Variants in ZFAND3 observed in about 807,000 individuals in gnomAD.
The protein encoded by ZFAND3 is AN1-type zinc finger protein 3.
Under a neutral mutation model 29.6 loss-of-function variants are expected in ZFAND3, and 10 were observed. The ratio of observed to expected loss-of-function variants is 0.34; its 90% CI spans 0.21 to 0.57. The LOEUF (loss-of-function observed/expected upper bound fraction) is 0.57. Ranked by LOEUF, ZFAND3 falls within the 20% of genes least tolerant of loss-of-function variation. The pLI is 0.86. For synonymous variants in ZFAND3, 128 were observed against 112.6 expected (o/e 1.14, Z -0.87); for missense variants, 230 against 304.5 (o/e 0.76, Z 1.82).
intron 3 of ZFAND3, among the ~76,000 whole-genome samples, chr6:38,065,131 A>G (rs1764317130): frequency 6.6e-6 from 1 of 152,166 alleles, no homozygotes. Context: ...ATCCTGGCCA[A>G]CCTGGTGAAA....
At chr6:37,914,684 G>GTTTTTTTTTTT (rs1761205557) in intron 1 of ZFAND3, among the ~76,000 whole-genome samples, 1 of 26,844 alleles carries the variant, frequency 3.7e-5, no homozygotes, top group African/African-American at 2.3e-4. Flanking sequence ...TTTTTTTTTA[G>GTTTTTTTTTTT]TGGAGACGGG....
chr6:38,153,265 A>G lies in ZFAND3; in HGVS notation c.*876A>G. 1.0e-6 allele frequency: 1 copy of G among 985,462 alleles called. No individual in the cohort carries two copies. Among genetic ancestry groups the G allele is most frequent in the Non-Finnish European group, 1.2e-6 (1 of 829,966 alleles). The allele number at this position is 985,462 out of a possible 1,614,324, so 61.0% of individuals were successfully genotyped here. A position where few individuals can be genotyped will look rare whatever the true frequency, so the allele number is the denominator to read the frequency against. On this transcript the variant is annotated 3_prime_UTR_variant, in exon 6 of 6. Transcript: ENST00000287218. ...TCTGCAGCCAGATTTCTATATTGGG[A>G]GTTTTTTAAAAAGACATTTCATAGC...
chr6:38,112,059 G>A lies in ZFAND3; in HGVS notation c.362-4513G>A, dbSNP rs181750220. On this transcript the variant is annotated intron_variant, in intron 4 of 5. Transcript: ENST00000287218. Reference sequence around the variant, plus strand: ...ACTTTCAAACCAAGAAAGCTAAATAGGCAAAATCCTTCTTCTTAAGATTTT... The same window carrying A: ...ACTTTCAAACCAAGAAAGCTAAATAAGCAAAATCCTTCTTCTTAAGATTTT... 1.4e-3 allele frequency among the ~76,000 whole-genome samples: 215 copies of A among 152,198 alleles called. 1 individual carries two copies. The highest frequency in any genetic ancestry group is 5.0e-3 in the African/African-American group (209 of 41,530).
At chr6:37,865,237 C>T (rs556866320) in intron 1 of ZFAND3, among the ~76,000 whole-genome samples, 14 of 152,260 alleles carry the variant, frequency 9.2e-5, no homozygotes, top group South Asian at 2.1e-4. Context: ...TCATCCTGTA[C>T]GCTTTAAATC....
intron 1 of ZFAND3, among the ~76,000 whole-genome samples, chr6:37,899,317 G>A (rs931559695): frequency 6.6e-6 from 1 of 152,188 alleles, no homozygotes; most frequent in African/African-American, 2.4e-5. Flanking sequence ...CTACTATAAT[G>A]TTGAGTAGTT....
At chr6:38,049,733 C>A (rs1763981121) in intron 2 of ZFAND3, among the ~76,000 whole-genome samples, 1 of 152,022 alleles carries the variant, frequency 6.6e-6, no homozygotes. Context: ...CTCTGAACAT[C>A]CCCCTGATAT....
chr6:37,901,047 A>T (rs1234934911), intron 1 of ZFAND3, among the ~76,000 whole-genome samples: 2 of 152,064 alleles, frequency 1.3e-5, no homozygotes, highest in Non-Finnish European at 2.9e-5. Context: ...AACATGCAGT[A>T]TGTTTATTGG....
chr6:38,019,984 T>C (rs1249376716), intron 2 of ZFAND3, among the ~76,000 whole-genome samples: 1 of 152,152 alleles, frequency 6.6e-6, no homozygotes, highest in Non-Finnish European at 1.5e-5. Flanking sequence ...TCTTCCAAAG[T>C]GCTGGGATTA....
chr6:37,881,917 C>G (rs770008611), intron 1 of ZFAND3, among the ~76,000 whole-genome samples: 6 of 152,046 alleles, frequency 3.9e-5, no homozygotes, highest in Admixed American at 6.5e-5. Flanking sequence ...CAAAAACATT[C>G]CTGTATAATC....
intron 1 of ZFAND3, among the ~76,000 whole-genome samples, chr6:37,908,542 T>TAAAAAAAAAAAAAAAAA (rs70981504): frequency 5.6e-5 from 7 of 124,118 alleles, no homozygotes; most frequent in East Asian, 2.6e-4. Flanking sequence ...AAAAAAAAAT[T>TAAAAAAAAAAAAAAAAA]AAAAAAAAAA....
At chr6:37,838,279 T>A (rs887978363) in intron 1 of ZFAND3, among the ~76,000 whole-genome samples, 8 of 151,586 alleles carry the variant, frequency 5.3e-5, no homozygotes, top group African/African-American at 1.9e-4. Flanking sequence ...GTTCCTCAAA[T>A]TTTTTTTTGC....
chr6:37,832,042 C>T (rs544935710), intron 1 of ZFAND3, among the ~76,000 whole-genome samples: 10 of 152,142 alleles, frequency 6.6e-5, no homozygotes, highest in African/African-American at 2.4e-4. Flanking sequence ...GACCATGGAT[C>T]CCTTTGGCAA....
intron 5 of ZFAND3, among the ~76,000 whole-genome samples, chr6:38,118,600 T>G (rs1391750833): frequency 6.6e-6 from 1 of 150,634 alleles, no homozygotes. Flanking sequence ...GTATGCTGTC[T>G]TGTCCCCGGC....
intron 5 of ZFAND3, among the ~76,000 whole-genome samples, chr6:38,144,235 T>G (rs544520389): frequency 7.5e-6 from 1 of 132,970 alleles, no homozygotes; most frequent in South Asian, 2.4e-4. Context: ...ATATATATTT[T>G]TTTTTTAATA....
intron 2 of ZFAND3, among the ~76,000 whole-genome samples, chr6:38,047,103 G>A (rs1581869508): frequency 6.6e-6 from 1 of 152,140 alleles, no homozygotes; most frequent in Non-Finnish European, 1.5e-5. Flanking sequence ...GATCACTTGA[G>A]GTCAGGAGTT....
rs1289175264 is a variant in ZFAND3, at chr6:37,819,828, C to T, written c.-118C>T. 3 of 610,642 alleles carry T rather than the reference C, an allele frequency of 4.9e-6. No individual in the cohort carries two copies. Among genetic ancestry groups the T allele is most frequent in the Non-Finnish European group, 6.5e-6 (3 of 463,574 alleles). The allele number at this position is 610,642 out of a possible 1,614,324, so 37.8% of individuals were successfully genotyped here. ...CTCGCGCCCGCCCGCGCGCCCGCTC[C>T]TTCCCCCTCCCCCCGCCCCGAGCCC... On this transcript the variant is annotated 5_prime_UTR_variant, in exon 1 of 6. Coordinates refer to ENST00000287218, the MANE Select transcript of ZFAND3 (RefSeq NM_021943.3).
chr6:38,005,919 G>T (rs1046002648), intron 2 of ZFAND3, among the ~76,000 whole-genome samples: 1 of 152,096 alleles, frequency 6.6e-6, no homozygotes, highest in Non-Finnish European at 1.5e-5. Flanking sequence ...CAATAATTCT[G>T]GTCCTTCTCT....
At chr6:37,873,419 T>TTTGC (rs771911583) in intron 1 of ZFAND3, among the ~76,000 whole-genome samples, 75 of 152,364 alleles carry the variant, frequency 4.9e-4, no homozygotes, top group Admixed American at 1.8e-3. Context: ...TAATCACTTG[T>TTTGC]TTGCTTGCTT....
intron 2 of ZFAND3, among the ~76,000 whole-genome samples, chr6:38,028,918 G>A (rs1763498066): frequency 6.6e-6 from 1 of 152,094 alleles, no homozygotes; most frequent in South Asian, 2.1e-4. Flanking sequence ...TTTTTTGCTT[G>A]TAAGAAATTG....
Sources: gnomAD v4.1 joint callset for allele counts (sites outside exome capture counted in the v4.1 genomes callset) on GRCh38, gnomAD v4.1.1 for gene constraint, MANE v1.5 for transcripts, NCBI Gene and HGNC (gene_info 2026-07-23, HGNC 2026-07-21) for gene names.